CCSER1: variants seen among roughly 807,000 people sequenced by gnomAD.
CCSER1 encodes coiled-coil serine rich protein 1.
CCSER1 carries 41 observed loss-of-function variants against 82.0 expected under a neutral mutation model. That is an observed-to-expected ratio of 0.50 (90% CI 0.39 to 0.65). The LOEUF (loss-of-function observed/expected upper bound fraction) is 0.65, where lower values mean the gene tolerates loss of function less well. Among genes scored for constraint, CCSER1 ranks in the 30% least tolerant of loss-of-function variants. The probability of loss-of-function intolerance (pLI) is 0.00; values close to 1 mark genes in which losing one functional copy is unlikely to be tolerated. For missense variants in CCSER1, 1,119 were observed against 1,064.2 expected (o/e 1.05, Z -0.72); for synonymous variants, 414 against 383.9 (o/e 1.08, Z -0.92).
intron 3 of CCSER1, among the ~76,000 whole-genome samples, chr4:90,371,773 G>C (rs1461737): frequency 0.35 from 53,442 of 151,960 alleles, 9,736 homozygotes; most frequent in South Asian, 0.44. Flanking sequence ...ATGATAATAA[G>C]AATTTCCTTG....
chr4:90,128,794 G>A (rs1018424541), intron 1 of CCSER1, among the ~76,000 whole-genome samples: 5 of 151,812 alleles, frequency 3.3e-5, no homozygotes, highest in African/African-American at 1.2e-4. Flanking sequence ...AATTTCTTGG[G>A]GTTTCCTTTT....
At chr4:90,631,956 G>A (rs75255534) in intron 6 of CCSER1, among the ~76,000 whole-genome samples, 9,727 of 151,982 alleles carry the variant, frequency 0.064, 403 homozygotes, top group East Asian at 0.17. Flanking sequence ...ATCTCATAAG[G>A]TATATGCAAA....
At chr4:91,181,798 G>T (rs1286419988) in intron 10 of CCSER1, among the ~76,000 whole-genome samples, 2 of 152,142 alleles carry the variant, frequency 1.3e-5, no homozygotes, top group Admixed American at 1.3e-4. Flanking sequence ...TTACAAATAG[G>T]TTTTTGAGGG....
intron 7 of CCSER1, among the ~76,000 whole-genome samples, chr4:90,746,862 G>A (rs1354575147): frequency 1.4e-4 from 21 of 152,150 alleles, no homozygotes; most frequent in Admixed American, 1.3e-3. Flanking sequence ...GAATAGTTAA[G>A]TATCCTGACT....
At chr4:91,438,006 G>A (rs922739563) in intron 10 of CCSER1, among the ~76,000 whole-genome samples, 43 of 152,312 alleles carry the variant, frequency 2.8e-4, no homozygotes, top group Admixed American at 2.4e-3. Flanking sequence ...GCCCACCACA[G>A]CTCAAGGAGG....
At chr4:90,781,043 AG>A (rs1753703974) in intron 7 of CCSER1, 1 of 175,010 alleles carries the variant, frequency 5.7e-6, no homozygotes, top group Non-Finnish European at 1.1e-5. Context: ...AGAACAAGGA[AG>A]GGTGGCTGGG....
rs5860192 is a variant in CCSER1, at chr4:90,196,096, C to CTT, written c.-42+68281_-42+68282dup. On this transcript the variant is annotated intron_variant, in intron 1 of 10. Transcript: ENST00000509176. ...AACAATCCTATTTCCACTTTCCTAG[C>CTT]TTTTTTTTTTTTTTTTTGCAACTAG... Among the ~76,000 whole-genome samples the CTT allele has an allele frequency of 3.0e-4, 37 of 124,342 alleles. 1 individual carries two copies. The highest frequency in any genetic ancestry group is 7.0e-4 in the East Asian group (3 of 4,312). The allele number at this position is 124,342 out of a possible 152,430, so 81.6% of individuals were successfully genotyped here.
At chr4:90,767,678 T>TG (rs1170427814) in intron 7 of CCSER1, among the ~76,000 whole-genome samples, 2 of 97,276 alleles carry the variant, frequency 2.1e-5, no homozygotes, top group East Asian at 3.4e-4. Flanking sequence ...ATAAACAGGG[T>TG]AATTTTTTTT....
intron 1 of CCSER1, among the ~76,000 whole-genome samples, chr4:90,239,341 T>G (rs1439069786): frequency 6.6e-6 from 1 of 152,214 alleles, no homozygotes; most frequent in East Asian, 1.9e-4. Flanking sequence ...ATACTGCACT[T>G]TATGCATTGA....
chr4:91,221,996 C>T (rs4370103), intron 10 of CCSER1, among the ~76,000 whole-genome samples: 90,630 of 151,596 alleles, frequency 0.6, 27,610 homozygotes, highest in East Asian at 0.93. Flanking sequence ...TAAATATATT[C>T]TCTAATGCAT....
chr4:91,513,818 T>C (rs1759954787), intron 10 of CCSER1, among the ~76,000 whole-genome samples: 1 of 152,258 alleles, frequency 6.6e-6, no homozygotes, highest in Admixed American at 6.5e-5. Context: ...GTTACCATTT[T>C]TTTTTATTGT....
At chr4:91,217,103 C>T (rs910788028) in intron 10 of CCSER1, among the ~76,000 whole-genome samples, 56 of 152,176 alleles carry the variant, frequency 3.7e-4, no homozygotes, top group African/African-American at 1.2e-3. Flanking sequence ...TTCGTGGTCT[C>T]GCTGGCTCAG....
At position 91,604,389 on chromosome 4, in the gene CCSER1, TA is replaced by T. The variant is rs1560796336; in HGVS notation, c.*5336del. 6.6e-6 allele frequency: 1 copy of T among 152,114 alleles called. No homozygotes were observed. The highest frequency in any genetic ancestry group is 1.5e-5 in the Non-Finnish European group (1 of 67,970). 9.4% of individuals were successfully genotyped at this position (152,114 alleles called of 1,614,324 possible). A position where few individuals can be genotyped will look rare whatever the true frequency, so the allele number is the denominator to read the frequency against. ...AATACTGTTCATTGAAAAGCAGTTT[TA>T]AAACAATTATTGACATTTAATAAAT... On this transcript the variant is annotated 3_prime_UTR_variant, in exon 11 of 11. Coordinates refer to ENST00000509176, the MANE Select transcript of CCSER1 (RefSeq NM_001145065.2).
At chr4:90,767,658 A>G (rs1751445631) in intron 7 of CCSER1, among the ~76,000 whole-genome samples, 1 of 145,842 alleles carries the variant, frequency 6.9e-6, no homozygotes, top group South Asian at 2.2e-4. Flanking sequence ...CTTTCAAAGT[A>G]CCAAGGCAAA....
intron 10 of CCSER1, among the ~76,000 whole-genome samples, chr4:91,415,657 A>G (rs1753314830): frequency 6.6e-6 from 1 of 152,116 alleles, no homozygotes; most frequent in Non-Finnish European, 1.5e-5. Context: ...TTCTATGTCT[A>G]TTGGAATAAT....
At chr4:90,311,992 A>G (rs904392793) in intron 2 of CCSER1, among the ~76,000 whole-genome samples, 13 of 152,332 alleles carry the variant, frequency 8.5e-5, no homozygotes, top group Middle Eastern at 3.4e-3. Context: ...TCAGATGGTG[A>G]TAACTGCTGA....
chr4:91,233,081 G>A lies in CCSER1; in HGVS notation c.2217+147087G>A, dbSNP rs549592832. On this transcript the variant is annotated intron_variant, in intron 10 of 10. Coordinates refer to ENST00000509176, the MANE Select transcript of CCSER1 (RefSeq NM_001145065.2). The stretch of plus-strand genomic sequence containing the variant: ...GGTTACTTTATATGCTTCTCTGTTT[G>A]GAGTTTTAAAAAATGGGCCTTATTT... Among the ~76,000 whole-genome samples, 8 of 151,710 alleles carry A rather than the reference G, an allele frequency of 5.3e-5. No individual in the cohort carries two copies. The South Asian group carries it at 1.5e-3, about 28-fold the overall frequency.
intron 1 of CCSER1, among the ~76,000 whole-genome samples, chr4:90,274,289 A>G (rs1727131733): frequency 1.3e-5 from 2 of 152,180 alleles, no homozygotes; most frequent in Non-Finnish European, 2.9e-5. Context: ...TGTGGAAGTC[A>G]TGGTGGAAAA....
At chr4:90,438,586 G>C (rs972224823) in intron 4 of CCSER1, among the ~76,000 whole-genome samples, 2 of 152,120 alleles carry the variant, frequency 1.3e-5, no homozygotes, top group African/African-American at 2.4e-5. Context: ...GCTAAATCAT[G>C]CACTTAGACA....
Sources: gnomAD v4.1 joint callset for allele counts (sites outside exome capture counted in the v4.1 genomes callset) on GRCh38, gnomAD v4.1.1 for gene constraint, MANE v1.5 for transcripts, NCBI Gene and HGNC (gene_info 2026-07-23, HGNC 2026-07-21) for gene names.